The following PARPBP variants were observed in gnomAD, a reference collection of about 807,000 sequenced individuals.
PARPBP encodes PARP1 binding protein, also known as PCNA-interacting partner.
In PARPBP, 52 loss-of-function variants were observed where a neutral mutation model predicts 50.0. That is an observed-to-expected ratio of 1.04 (90% CI 0.83 to 1.31). The LOEUF is 1.31. PARPBP is among the 50% of genes most tolerant of loss of function. PARPBP has a pLI of 0.00. For synonymous variants in PARPBP, 244 were observed against 232.1 expected (o/e 1.05, Z -0.47); for missense variants, 697 against 672.0 (o/e 1.04, Z -0.41).
chr12:102,154,976 A>T, intron 4 of PARPBP: 1 of 318,702 alleles, frequency 3.1e-6, no homozygotes. Context: ...TAAACCAGAG[A>T]CTCCTTTCTA....
chr12:102,184,046 G>GAAAAAAAAAAAAAA (rs71438459), intron 9 of PARPBP, among the ~76,000 whole-genome samples: 23 of 59,938 alleles, frequency 3.8e-4, no homozygotes, highest in African/African-American at 6.5e-4. Flanking sequence ...GACTCTATCT[G>GAAAAAAAAAAAAAA]AAAAAAAAAA....
At chr12:102,140,194 T>C (rs923291333) in intron 2 of PARPBP, among the ~76,000 whole-genome samples, 2 of 152,218 alleles carry the variant, frequency 1.3e-5, no homozygotes, top group African/African-American at 2.4e-5. Flanking sequence ...ATTCAACTTC[T>C]TCCTGGTTTA....
Position 102,145,794 on chromosome 12 carries a change from T to C in PARPBP, c.154-2436T>C, listed in dbSNP as rs1013832491. On this transcript the variant is annotated intron_variant, in intron 2 of 10. Coordinates refer to ENST00000327680, the MANE Select transcript of PARPBP (RefSeq NM_017915.5). The stretch of plus-strand genomic sequence containing the variant: ...AACTTATAGAAAGAAACCTGTGTCT[T>C]TTTAGCACTTGTTTGTTACAGTTTC... Among the ~76,000 whole-genome samples the C allele has an allele frequency of 4.6e-4, 70 of 152,184 alleles. 1 individual carries two copies. The highest frequency in any genetic ancestry group is 4.6e-4 in the Admixed American group (7 of 15,274).
At chr12:102,125,894 C>T (rs915312670) in intron 2 of PARPBP, among the ~76,000 whole-genome samples, 1 of 152,194 alleles carries the variant, frequency 6.6e-6, no homozygotes, top group African/African-American at 2.4e-5. Context: ...GGTCTAGAGG[C>T]TCTTTTTTAC....
chr12:102,156,176 C>CTTTTTTTTTTTTTTTTTT lies in PARPBP; in HGVS notation c.495+2211_495+2228dup, dbSNP rs869213784. ...CATATTTGGCTCAGAATTAACCTTC[C>CTTTTTTTTTTTTTTTTTT]TTTTTTTTTTTTTTTTTTTTTTTTT... On this transcript the variant is annotated intron_variant, in intron 4 of 10. Coordinates refer to ENST00000327680, the MANE Select transcript of PARPBP (RefSeq NM_017915.5). 3.0e-5 allele frequency among the ~76,000 whole-genome samples: 2 copies of CTTTTTTTTTTTTTTTTTT among 66,176 alleles called. 1 individual carries two copies. Among genetic ancestry groups the CTTTTTTTTTTTTTTTTTT allele is most frequent in the African/African-American group, 1.4e-4 (2 of 14,768 alleles). The allele number at this position is 66,176 out of a possible 152,430, so 43.4% of individuals were successfully genotyped here.
chr12:102,164,318 C>G (rs186965875), intron 4 of PARPBP, 120 bp from the exon 5 acceptor site: 4 of 699,804 alleles, frequency 5.7e-6, no homozygotes, highest in African/African-American at 1.8e-5. Context: ...TTTTATTTTT[C>G]TAAAGAGTTA....
intron 9 of PARPBP, among the ~76,000 whole-genome samples, chr12:102,182,876 G>A (rs530167021): frequency 6.6e-6 from 1 of 152,276 alleles, no homozygotes; most frequent in East Asian, 1.9e-4. Context: ...AGTTGCTATT[G>A]TAAGTGTTGA....
At position 102,142,091 on chromosome 12, in the gene PARPBP, G is replaced by C. The variant is rs572609965; in HGVS notation, c.154-6139G>C. The stretch of plus-strand genomic sequence containing the variant: ...TATCCTGCAGAGTGTTTTCCAACTT[G>C]GTTCCATTCTCCCCGTCACTTTCAG... On this transcript the variant is annotated intron_variant, in intron 2 of 10. Coordinates refer to ENST00000327680, the MANE Select transcript of PARPBP (RefSeq NM_017915.5). 4.5e-4 allele frequency among the ~76,000 whole-genome samples: 68 copies of C among 152,238 alleles called. No individual in the cohort carries two copies. The South Asian group carries it at 0.013, about 30-fold the overall frequency.
At position 102,148,277 on chromosome 12, in the gene PARPBP, G is replaced by A. The variant is rs2138683742; in HGVS notation, c.201G>A (p.Trp67Ter). ...TVSLSDVLLT[W>*]KYLLHEKLNL... Reference sequence around the variant, plus strand: ...CTCTCAGTGATGTTTTATTGACATGGAAATACTTGCTCCATGAGAAATTGA... The same window carrying A: ...CTCTCAGTGATGTTTTATTGACATGAAAATACTTGCTCCATGAGAAATTGA... The change falls in exon 3 of 11, where the codon TGG (tryptophan) becomes TGA (stop). Residue 67 changes from tryptophan to a stop codon, truncating the protein, a stop_gained. Transcript: ENST00000327680. LOFTEE classifies it high-confidence loss of function. 6.2e-7 allele frequency: 1 copy of A among 1,605,988 alleles called. No individual in the cohort carries two copies. Among genetic ancestry groups the A allele is most frequent in the Middle Eastern group, 1.7e-4 (1 of 6,036 alleles).
intron 7 of PARPBP, 94 bp from the exon 8 acceptor site, chr12:102,178,498 T>C: frequency 1.5e-6 from 1 of 662,030 alleles, no homozygotes; most frequent in Non-Finnish European, 2.4e-6. Context: ...TAACAATAGA[T>C]GAAAGAGGCC....
chr12:102,168,665 G>T (rs918497718), intron 6 of PARPBP, among the ~76,000 whole-genome samples: 8 of 152,170 alleles, frequency 5.3e-5, no homozygotes, highest in African/African-American at 7.2e-5. Flanking sequence ...AGGGATAAGG[G>T]TGTCAAGAAT....
At chr12:102,154,404 C>T (rs1370024284) in intron 4 of PARPBP, among the ~76,000 whole-genome samples, 2 of 152,084 alleles carry the variant, frequency 1.3e-5, no homozygotes, top group African/African-American at 2.4e-5. Context: ...TATAAACCAC[C>T]GAAAAGTAGT....
intron 9 of PARPBP, among the ~76,000 whole-genome samples, chr12:102,192,988 T>A (rs1401861494): frequency 6.6e-6 from 1 of 151,576 alleles, no homozygotes; most frequent in Admixed American, 6.6e-5. Context: ...TATTTATAAA[T>A]AATATTTTTC....
intron 9 of PARPBP, among the ~76,000 whole-genome samples, chr12:102,184,928 G>GA (rs1890170563): frequency 6.6e-6 from 1 of 151,532 alleles, no homozygotes; most frequent in African/African-American, 2.4e-5. Flanking sequence ...TTTAGTCACA[G>GA]AAATAATATA....
intron 6 of PARPBP, among the ~76,000 whole-genome samples, chr12:102,171,583 A>T (rs960031354): frequency 5.3e-5 from 8 of 152,156 alleles, no homozygotes; most frequent in African/African-American, 1.9e-4. Context: ...AAAATATTTC[A>T]TGGCCGGGCT....
At chr12:102,195,549 A>G (rs1277206752) in intron 10 of PARPBP, 102 bp downstream of exon 10, 3 of 843,954 alleles carry the variant, frequency 3.6e-6, no homozygotes, top group African/African-American at 3.5e-5. Context: ...GTACTATGAA[A>G]TGTAAAGGGT....
chr12:102,177,666 G>A (rs1053581591), intron 7 of PARPBP, among the ~76,000 whole-genome samples: 1 of 151,762 alleles, frequency 6.6e-6, no homozygotes, highest in Non-Finnish European at 1.5e-5. Flanking sequence ...GATAACATTC[G>A]TATCTCACAA....
chr12:102,195,845 A>G, intron 10 of PARPBP, 106 bp from the exon 11 acceptor site: 2 of 679,746 alleles, frequency 2.9e-6, no homozygotes, highest in Middle Eastern at 3.7e-4. Context: ...TTTACTTTAA[A>G]AATTTGAATA....
At position 102,120,273 on chromosome 12, in the gene PARPBP, C is replaced by A; in HGVS notation, c.-17C>A. ...CACACTGAAGAGTACGTCTTCGGGT[C>A]TACCCCTAATCACGTAAGTCTCGCG... On this transcript the variant is annotated 5_prime_UTR_variant, in exon 1 of 11. Coordinates refer to ENST00000327680, the MANE Select transcript of PARPBP (RefSeq NM_017915.5). 3.1e-6 allele frequency: 1 copy of A among 326,268 alleles called. No homozygotes were observed. The highest frequency in any genetic ancestry group is 8.8e-5 in the East Asian group (1 of 11,352). The allele number at this position is 326,268 out of a possible 1,614,324, so 20.2% of individuals were successfully genotyped here. A position where few individuals can be genotyped will look rare whatever the true frequency, so the allele number is the denominator to read the frequency against.
Sources: allele counts gnomAD v4.1 joint callset (sites outside exome capture counted in the v4.1 genomes callset), GRCh38; gene constraint gnomAD v4.1.1; transcripts MANE v1.5; gene names NCBI Gene and HGNC (gene_info 2026-07-23, HGNC 2026-07-21).